The following CHD6 variants were observed in gnomAD, a reference collection of about 807,000 sequenced individuals.
The protein encoded by CHD6 is ATP-dependent chromatin remodeler CHD6.
CHD6 carries 50 observed loss-of-function variants against 276.9 expected under a neutral mutation model. The ratio of observed to expected loss-of-function variants is 0.18; its 90% CI spans 0.14 to 0.23. The LOEUF (loss-of-function observed/expected upper bound fraction) is 0.23. Among genes scored for constraint, CHD6 ranks in the 10% least tolerant of loss-of-function variants. CHD6 has a pLI of 1.00. For missense variants in CHD6, 2,564 were observed against 3,365.8 expected (o/e 0.76, Z 5.89); for synonymous variants, 1,173 against 1,229.3 (o/e 0.95, Z 0.96).
intron 5 of CHD6, among the ~76,000 whole-genome samples, chr20:41,508,076 G>C (rs1264070422): frequency 6.6e-6 from 1 of 152,168 alleles, no homozygotes; most frequent in Admixed American, 6.5e-5. Context: ...AGTCCAATGA[G>C]AATTCAGAAA....
rs184280063 is a variant in CHD6, at chr20:41,451,800, T to G, written c.3523+26A>C. ...ATGAAGTGCATGGGAATCGTGCTTC[T>G]TAGGCATGGCCCTGCCACCTCTCAC... is the stretch of plus-strand genomic sequence containing the variant. On this transcript the variant is annotated intron_variant, in intron 22 of 36. Transcript: ENST00000373233. 241 of 1,608,850 alleles carry G rather than the reference T, an allele frequency of 1.5e-4. No individual in the cohort carries two copies. In the African/African-American group the frequency reaches 3.0e-3, roughly 20 times the overall value.
intron 1 of CHD6, among the ~76,000 whole-genome samples, chr20:41,603,853 A>T (rs2045798729): frequency 6.6e-6 from 1 of 152,228 alleles, no homozygotes; most frequent in African/African-American, 2.4e-5. Context: ...TGGGCAAAAG[A>T]GCAAGACTCA....
At chr20:41,525,651 A>G (rs910803630) in intron 3 of CHD6, among the ~76,000 whole-genome samples, 1 of 152,208 alleles carries the variant, frequency 6.6e-6, no homozygotes, top group Non-Finnish European at 1.5e-5. Flanking sequence ...TGCGTGTACC[A>G]TCTTAAAATC....
intron 1 of CHD6, among the ~76,000 whole-genome samples, chr20:41,555,798 T>G (rs926322908): frequency 6.9e-5 from 10 of 144,064 alleles, no homozygotes; most frequent in Non-Finnish European, 1.2e-4. Context: ...GCTCCTCACG[T>G]CCCAGACGAT....
Position 41,499,371 on chromosome 20 carries a change from T to TA in CHD6, c.853-15dup, listed in dbSNP as rs577238726. On this transcript the variant is annotated splice_polypyrimidine_tract_variant and intron_variant, in intron 5 of 36. Transcript: ENST00000373233. Reference sequence around the variant, plus strand: ...TTCTGGAGGCTCCTGGGGACAAAGATAAAAAAAAAAGAAAATTGCTGGAAC... The same window carrying TA: ...TTCTGGAGGCTCCTGGGGACAAAGATAAAAAAAAAAAGAAAATTGCTGGAAC... 5.0e-3 allele frequency: 6,840 copies of TA among 1,360,498 alleles called. No individual in the cohort carries two copies. The highest frequency in any genetic ancestry group is 5.7e-3 in the South Asian group (394 of 69,160). The allele number at this position is 1,360,498 out of a possible 1,614,324, so 84.3% of individuals were successfully genotyped here.
Position 41,423,743 on chromosome 20 carries a change from T to C in CHD6, c.4347-43A>G. Reference sequence around the variant, plus strand: ...AAGGAAGAGTGAGCTCTTTCTTCTTTTTTTAAAGCCAATAACTGCTTATTG... The same window carrying C: ...AAGGAAGAGTGAGCTCTTTCTTCTTCTTTTAAAGCCAATAACTGCTTATTG... On this transcript the variant is annotated intron_variant, in intron 29 of 36. Transcript: ENST00000373233. The C allele has an allele frequency of 2.0e-6, 3 of 1,526,096 alleles. No homozygotes were observed. The South Asian group carries it at 3.4e-5, about 17-fold the overall frequency. The allele number at this position is 1,526,096 out of a possible 1,614,324, so 94.5% of individuals were successfully genotyped here.
At chr20:41,408,205 C>T (rs1569039825) in intron 36 of CHD6, among the ~76,000 whole-genome samples, 1 of 148,620 alleles carries the variant, frequency 6.7e-6, no homozygotes, top group Non-Finnish European at 1.5e-5. Context: ...TATTTAGTCC[C>T]CTTCGTTTTC....
chr20:41,441,246 G>A (rs115029072), intron 25 of CHD6, among the ~76,000 whole-genome samples: 102 of 152,288 alleles, frequency 6.7e-4, no homozygotes, highest in African/African-American at 2.3e-3. Flanking sequence ...TATATAGTCA[G>A]TACCTAGCAA....
In CHD6 at chr20:41,483,316, G is replaced by T; in HGVS notation, c.2461C>A (p.Gln821Lys). 6.2e-7 allele frequency: 1 copy of T among 1,611,716 alleles called. No individual in the cohort carries two copies. The highest frequency in any genetic ancestry group is 1.1e-5 in the South Asian group (1 of 90,702). Residue 821 changes from glutamine (Q) to lysine (K), a missense_variant, in exon 16 of 37, where the codon CAG becomes AAG. Coordinates refer to ENST00000373233, the MANE Select transcript of CHD6 (RefSeq NM_032221.5). ...CTTTGACACAAGTCTCACCTTCTCTGGATGAGGTAATCTTCTAGGATGTCG... is the reference window on the plus strand; with the variant it reads ...CTTTGACACAAGTCTCACCTTCTCTTGATGAGGTAATCTTCTAGGATGTCG... ...CLDILEDYLI[Q>K]RRYTYERIDG...
At chr20:41,502,804 G>A (rs1197704419) in intron 5 of CHD6, among the ~76,000 whole-genome samples, 1 of 152,106 alleles carries the variant, frequency 6.6e-6, no homozygotes, top group Non-Finnish European at 1.5e-5. Context: ...TCAGGAACTC[G>A]GGACCAGCCT....
intron 16 of CHD6, 43 bp downstream of exon 16, chr20:41,483,265 GA>G: frequency 6.7e-7 from 1 of 1,503,424 alleles, no homozygotes; most frequent in East Asian, 2.3e-5. Context: ...CAAAGGAAAG[GA>G]ACTGTCCCAT....
chr20:41,550,751 T>C (rs191817595), intron 2 of CHD6, among the ~76,000 whole-genome samples: 1 of 152,312 alleles, frequency 6.6e-6, no homozygotes, highest in Admixed American at 6.5e-5. Flanking sequence ...TATGTTATAC[T>C]CATGGCATAG....
intron 2 of CHD6, among the ~76,000 whole-genome samples, chr20:41,534,739 G>A (rs1347562635): frequency 1.3e-5 from 2 of 152,110 alleles, no homozygotes; most frequent in African/African-American, 2.4e-5. Context: ...ATTGCTGATT[G>A]AGCACTTGAG....
chr20:41,523,308 T>C (rs916331023), intron 3 of CHD6, among the ~76,000 whole-genome samples: 1 of 152,240 alleles, frequency 6.6e-6, no homozygotes, highest in African/African-American at 2.4e-5. Context: ...AAAGCAATCT[T>C]ATTTCTATAA....
chr20:41,417,213 G>A lies in CHD6; in HGVS notation c.6264C>T (p.Phe2088=). 1.9e-6 allele frequency: 3 copies of A among 1,613,514 alleles called. No homozygotes were observed. The highest frequency in any genetic ancestry group is 1.1e-5 in the South Asian group (1 of 90,878). Residue 2088 remains phenylalanine (F), a synonymous_variant, in exon 32 of 37, where the codon TTC becomes TTT. Transcript: ENST00000373233. ...QLLQEKTLYS[F]SEWPKDRVII... ...TCTGGGGTACCTTTGGCCACTCAGA[G>A]AAGGAATAGAGAGTTTTCTCCTGTA...
At chr20:41,538,166 C>T (rs1352098204) in intron 2 of CHD6, among the ~76,000 whole-genome samples, 2 of 152,132 alleles carry the variant, frequency 1.3e-5, no homozygotes, top group African/African-American at 4.8e-5. Flanking sequence ...GCCAGGCCAA[C>T]ATGGTGAAAC....
intron 1 of CHD6, among the ~76,000 whole-genome samples, chr20:41,598,957 G>A (rs2045746890): frequency 6.6e-6 from 1 of 152,152 alleles, no homozygotes; most frequent in South Asian, 2.1e-4. Context: ...ACTCCCTACG[G>A]GTCCTCTGAC....
At chr20:41,610,524 G>A (rs1438929713) in intron 1 of CHD6, among the ~76,000 whole-genome samples, 2 of 152,134 alleles carry the variant, frequency 1.3e-5, no homozygotes, top group Non-Finnish European at 2.9e-5. Flanking sequence ...CACTTTGAGA[G>A]GCCGAGGCGG....
intron 1 of CHD6, among the ~76,000 whole-genome samples, chr20:41,552,550 A>T (rs972345636): frequency 6.6e-5 from 10 of 152,234 alleles, no homozygotes; most frequent in Admixed American, 6.5e-4. Flanking sequence ...TTTGCAATTT[A>T]AAAAAGATTA....
Sources: allele counts gnomAD v4.1 joint callset (sites outside exome capture counted in the v4.1 genomes callset), GRCh38; gene constraint gnomAD v4.1.1; transcripts MANE v1.5; gene names NCBI Gene and HGNC (gene_info 2026-07-23, HGNC 2026-07-21).